KCNAB1: variants seen among roughly 807,000 people sequenced by gnomAD.
The protein encoded by KCNAB1 is potassium voltage-gated channel subfamily A regulatory beta subunit 1.
A neutral mutation model predicts 64.6 loss-of-function variants in KCNAB1; 35 were observed. The observed-to-expected ratio is 0.54, with a 90% CI of 0.41 to 0.72. The LOEUF (loss-of-function observed/expected upper bound fraction) is 0.72. KCNAB1 is among the 30% of genes least tolerant of loss of function. KCNAB1 has a pLI of 0.00. For synonymous variants in KCNAB1, 177 were observed against 183.8 expected (o/e 0.96, Z 0.30); for missense variants, 401 against 512.9 (o/e 0.78, Z 2.11).
chr3:156,287,349 CAAA>C (rs1159352986), intron 1 of KCNAB1, among the ~76,000 whole-genome samples: 2,904 of 77,804 alleles, frequency 0.037, 111 homozygotes, highest in African/African-American at 0.11. Context: ...ACCTCCGTAT[CAAA>C]AAAAAAAAAA....
In KCNAB1 at chr3:156,171,194, T is replaced by TACACACAC. The variant is rs779486541; in HGVS notation, c.275+50333_275+50340dup. On this transcript the variant is annotated intron_variant, in intron 1 of 13. Coordinates refer to ENST00000490337, the MANE Select transcript of KCNAB1 (RefSeq NM_172160.3). ...TATAGTTAGAAACTTCACGCACACA[T>TACACACAC]ACACACACACACACACACACACACA... 6.6e-3 allele frequency among the ~76,000 whole-genome samples: 968 copies of TACACACAC among 147,700 alleles called. 19 individuals carry two copies. The highest frequency in any genetic ancestry group is 0.023 in the African/African-American group (912 of 39,636).
chr3:156,145,911 A>T (rs1715010576), intron 1 of KCNAB1, among the ~76,000 whole-genome samples: 1 of 152,198 alleles, frequency 6.6e-6, no homozygotes, highest in African/African-American at 2.4e-5. Flanking sequence ...AAGGAAAAAA[A>T]AAAGAATAAG....
chr3:156,151,672 T>G (rs1715419919), intron 1 of KCNAB1, among the ~76,000 whole-genome samples: 1 of 152,244 alleles, frequency 6.6e-6, no homozygotes, highest in African/African-American at 2.4e-5. Flanking sequence ...AAAACTAAGT[T>G]GCACACATCA....
At chr3:156,338,212 A>ACAGAACT (rs1053652057) in intron 1 of KCNAB1, among the ~76,000 whole-genome samples, 6 of 150,120 alleles carry the variant, frequency 4.0e-5, no homozygotes, top group African/African-American at 1.2e-4. Context: ...GCATATGGAG[A>ACAGAACT]CAGAACTCTC....
At chr3:156,378,495 G>A (rs1711885733) in intron 1 of KCNAB1, among the ~76,000 whole-genome samples, 3 of 152,070 alleles carry the variant, frequency 2.0e-5, no homozygotes, top group African/African-American at 4.8e-5. Context: ...TCTCCCCTTA[G>A]CCCTTTTTGG....
intron 2 of KCNAB1, among the ~76,000 whole-genome samples, chr3:156,421,951 G>A (rs1324327781): frequency 2.6e-5 from 4 of 152,154 alleles, no homozygotes; most frequent in Non-Finnish European, 5.9e-5. Context: ...CAAGCATGAA[G>A]GACTGCATGG....
At chr3:156,453,997 A>T (rs1026999448) in intron 3 of KCNAB1, among the ~76,000 whole-genome samples, 1 of 152,188 alleles carries the variant, frequency 6.6e-6, no homozygotes, top group Non-Finnish European at 1.5e-5. Context: ...TCCTAACGAG[A>T]CAGTTGGGAA....
chr3:156,273,173 C>T (rs1355804101), intron 1 of KCNAB1, among the ~76,000 whole-genome samples: 1 of 151,678 alleles, frequency 6.6e-6, no homozygotes, highest in Non-Finnish European at 1.5e-5. Context: ...AGCTATGCTG[C>T]TTGGGAGTGG....
At chr3:156,425,474 C>G (rs1204947692) in intron 2 of KCNAB1, among the ~76,000 whole-genome samples, 1 of 152,108 alleles carries the variant, frequency 6.6e-6, no homozygotes, top group Admixed American at 6.5e-5. Context: ...GCCAATCCTA[C>G]CTGTGGGTTG....
chr3:156,402,423 C>G (rs1713970007), intron 1 of KCNAB1, among the ~76,000 whole-genome samples: 1 of 152,056 alleles, frequency 6.6e-6, no homozygotes, highest in Non-Finnish European at 1.5e-5. Context: ...TCGAAAATGT[C>G]TTAGGGAATT....
chr3:156,363,860 T>C (rs1560218315), intron 1 of KCNAB1, among the ~76,000 whole-genome samples: 1 of 152,172 alleles, frequency 6.6e-6, no homozygotes, highest in African/African-American at 2.4e-5. Context: ...CCCAACCCAT[T>C]TTCTCCCAAA....
At chr3:156,158,179 A>ATAAATAAAT (rs759689766) in intron 1 of KCNAB1, among the ~76,000 whole-genome samples, 2 of 60,662 alleles carry the variant, frequency 3.3e-5, no homozygotes, top group East Asian at 1.6e-3. Flanking sequence ...AAAAAAATAA[A>ATAAATAAAT]AAATAAATAA....
intron 1 of KCNAB1, among the ~76,000 whole-genome samples, chr3:156,234,853 A>T (rs1716758433): frequency 6.6e-6 from 1 of 152,230 alleles, no homozygotes; most frequent in African/African-American, 2.4e-5. Context: ...CTCACATCAG[A>T]GGTCAACGTA....
At chr3:156,310,664 C>T (rs955080104) in intron 1 of KCNAB1, among the ~76,000 whole-genome samples, 1 of 152,000 alleles carries the variant, frequency 6.6e-6, no homozygotes, top group Admixed American at 6.6e-5. Context: ...ATTAGCCGGG[C>T]GGGGTGGCGG....
intron 1 of KCNAB1, among the ~76,000 whole-genome samples, chr3:156,199,202 G>C (rs1438605823): frequency 1.3e-5 from 2 of 151,878 alleles, no homozygotes; most frequent in Non-Finnish European, 2.9e-5. Context: ...TCATCTGATG[G>C]GCTTCCCTTT....
At chr3:156,279,115 C>T (rs942654211) in intron 1 of KCNAB1, among the ~76,000 whole-genome samples, 1 of 149,530 alleles carries the variant, frequency 6.7e-6, no homozygotes, top group African/African-American at 2.5e-5. Context: ...ATCCCTCCCC[C>T]CTCCCACCAC....
intron 1 of KCNAB1, chr3:156,176,144 G>A (rs1216205618): frequency 1.9e-5 from 15 of 770,196 alleles, no homozygotes; most frequent in Non-Finnish European, 3.2e-5. Context: ...TCCCAGACAC[G>A]AACTGTATTG....
intron 1 of KCNAB1, among the ~76,000 whole-genome samples, chr3:156,397,978 A>T (rs182032380): frequency 2.6e-5 from 4 of 152,298 alleles, no homozygotes; most frequent in East Asian, 3.9e-4. Context: ...TGTGTGCCTT[A>T]ATCAGGAAAA....
chr3:156,538,189 CTATT>C lies in KCNAB1; in HGVS notation c.*1444_*1447del, dbSNP rs1559938247. On this transcript the variant is annotated 3_prime_UTR_variant, in exon 14 of 14. Coordinates refer to ENST00000490337, the MANE Select transcript of KCNAB1 (RefSeq NM_172160.3). ...GTGGTGTGGGAGTGGCCCTTTAACT[CTATT>C]TGGCTATCTGAGGATGTACAAAATT... 6.6e-6 allele frequency: 1 copy of C among 150,710 alleles called. No homozygotes were observed. Among genetic ancestry groups the C allele is most frequent in the Admixed American group, 6.6e-5 (1 of 15,112 alleles). The allele number at this position is 150,710 out of a possible 1,614,324, so 9.3% of individuals were successfully genotyped here. A position where few individuals can be genotyped will look rare whatever the true frequency, so the allele number is the denominator to read the frequency against.
Sources: gnomAD v4.1 joint callset for allele counts (sites outside exome capture counted in the v4.1 genomes callset) on GRCh38, gnomAD v4.1.1 for gene constraint, MANE v1.5 for transcripts, NCBI Gene and HGNC (gene_info 2026-07-23, HGNC 2026-07-21) for gene names.